Variants in SYNPO2 observed in about 807,000 individuals in gnomAD.
The protein encoded by SYNPO2 is synaptopodin-2.
SYNPO2 carries 56 observed loss-of-function variants against 85.0 expected under a neutral mutation model. The observed-to-expected ratio is 0.66, with a 90% confidence interval of 0.53 to 0.82. The LOEUF (loss-of-function observed/expected upper bound fraction) is 0.82, where lower values mean the gene tolerates loss of function less well. Ranked by LOEUF, SYNPO2 falls within the 40% of genes least tolerant of loss-of-function variation. The probability of loss-of-function intolerance (pLI) is 0.00; values close to 1 mark genes in which losing one functional copy is unlikely to be tolerated. For synonymous variants in SYNPO2, 602 were observed against 591.1 expected, an observed-to-expected ratio of 1.02 and a Z score of -0.27; for missense variants, 1,575 against 1,534.2, an observed-to-expected ratio of 1.03 and a Z score of -0.44.
chr4:118,953,217 T>C lies in SYNPO2; in HGVS notation c.105+64076T>C, dbSNP rs114266198. Among the ~76,000 whole-genome samples the C allele has an allele frequency of 6.9e-3, 1,051 of 152,306 alleles. 7 individuals carry two copies. The highest frequency in any genetic ancestry group is 8.9e-3 in the Non-Finnish European group (604 of 68,016). On this transcript the variant is annotated intron_variant, in intron 1 of 4. Transcript: ENST00000307142. ...TTGTTTGGTTGATTTATCCAAACGA[T>C]GTTGAGAGCTTAGAGAACAATAACA...
At chr4:119,041,298 C>T (rs1247394039) in intron 4 of SYNPO2, among the ~76,000 whole-genome samples, 1 of 152,202 alleles carries the variant, frequency 6.6e-6, no homozygotes, top group East Asian at 1.9e-4. Flanking sequence ...AACTAGGCCT[C>T]TTACTGTACT....
At chr4:118,876,673 CTTTCTT>C (rs1224854545) in intron 1 of SYNPO2, among the ~76,000 whole-genome samples, 79 of 5,728 alleles carry the variant, frequency 0.014, 2 homozygotes, top group Admixed American at 0.04. Context: ...CTTTCTCTTT[CTTTCTT>C]TCTTTCTTTC....
At chr4:118,881,650 A>C (rs1030428865) in intron 1 of SYNPO2, among the ~76,000 whole-genome samples, 4 of 152,236 alleles carry the variant, frequency 2.6e-5, no homozygotes, top group African/African-American at 9.6e-5. Context: ...GCAGAACTTT[A>C]AATCACTGGC....
At chr4:118,859,396 ATTTATCC>A (rs1045462245) in intron 1 of SYNPO2, among the ~76,000 whole-genome samples, 6 of 152,180 alleles carry the variant, frequency 3.9e-5, no homozygotes, top group Admixed American at 3.9e-4. Flanking sequence ...CACCTCAAGC[ATTTATCC>A]TTTGTGTTTC....
upstream of SYNPO2, among the ~76,000 whole-genome samples, chr4:118,886,520 G>A (rs1392088189): frequency 1.3e-5 from 2 of 152,152 alleles, no homozygotes; most frequent in Non-Finnish European, 2.9e-5. Flanking sequence ...TACTGTTCCT[G>A]TGCTAGTTTG....
chr4:118,863,804 G>A (rs1329309227), intron 1 of SYNPO2, among the ~76,000 whole-genome samples: 1 of 152,018 alleles, frequency 6.6e-6, no homozygotes, highest in Non-Finnish European at 1.5e-5. Flanking sequence ...TAGAGAAGGG[G>A]TTTTTCCATG....
chr4:118,930,938 T>A (rs1367056406), intron 1 of SYNPO2, among the ~76,000 whole-genome samples: 19 of 138,974 alleles, frequency 1.4e-4, no homozygotes, highest in African/African-American at 4.3e-4. Flanking sequence ...AAAAAAAAAA[T>A]GGTAAGTATC....
chr4:118,903,624 A>T (rs1196865778), intron 1 of SYNPO2, among the ~76,000 whole-genome samples: 1 of 152,160 alleles, frequency 6.6e-6, no homozygotes, highest in African/African-American at 2.4e-5. Context: ...TTACTTTGTT[A>T]TTCAGTTTAA....
chr4:118,966,466 AAAC>A (rs1469445222), intron 1 of SYNPO2, among the ~76,000 whole-genome samples: 22 of 152,140 alleles, frequency 1.4e-4, no homozygotes, highest in Non-Finnish European at 2.5e-4. Context: ...TTACCCTTGT[AAAC>A]CCCAAGGGAG....
In SYNPO2 at chr4:118,980,331, C is replaced by T. The variant is rs559593026; in HGVS notation, c.106-43099C>T. Among the ~76,000 whole-genome samples, 12 of 152,094 alleles carry T rather than the reference C, an allele frequency of 7.9e-5. No homozygotes were observed. The South Asian group carries it at 2.1e-3, about 26-fold the overall frequency. Reference sequence around the variant, plus strand: ...TGCTGATGTGCCTTCAGACCTTCTCCGGACTATTCCTTGACCAGAACCATC... The same window carrying T: ...TGCTGATGTGCCTTCAGACCTTCTCTGGACTATTCCTTGACCAGAACCATC... On this transcript the variant is annotated intron_variant, in intron 1 of 4. Transcript: ENST00000307142.
intron 1 of SYNPO2, among the ~76,000 whole-genome samples, chr4:118,891,757 A>G (rs1259861643): frequency 6.6e-6 from 1 of 152,240 alleles, no homozygotes; most frequent in Non-Finnish European, 1.5e-5. Context: ...CAGAAAGGCT[A>G]GAGAGATGGT....
intron 1 of SYNPO2, among the ~76,000 whole-genome samples, chr4:118,911,028 G>A (rs546365120): frequency 1.3e-5 from 2 of 152,180 alleles, no homozygotes; most frequent in South Asian, 2.1e-4. Context: ...AGAAAATGGC[G>A]AGTCTCTTAC....
chr4:118,877,095 A>T (rs1212325255), intron 1 of SYNPO2, among the ~76,000 whole-genome samples: 1 of 151,982 alleles, frequency 6.6e-6, no homozygotes, highest in Admixed American at 6.6e-5. Flanking sequence ...GAGCCACTGC[A>T]CCTGGCCTTC....
intron 1 of SYNPO2, among the ~76,000 whole-genome samples, chr4:119,016,291 G>A (rs534100199): frequency 1.9e-4 from 29 of 152,140 alleles, no homozygotes; most frequent in Admixed American, 3.3e-4. Context: ...GCGTGGTGGT[G>A]GGAGCCTGCC....
Position 118,943,488 on chromosome 4 carries a change from A to G in SYNPO2, c.105+54347A>G, listed in dbSNP as rs1734391850. The stretch of plus-strand genomic sequence containing the variant: ...TGATGTGGGGGAAGGGAACAATTAT[A>G]TAGAATTTATAACTTCAAAGTTGCT... On this transcript the variant is annotated intron_variant, in intron 1 of 4. Transcript: ENST00000307142. Among the ~76,000 whole-genome samples the G allele has an allele frequency of 2.0e-5, 3 of 152,312 alleles. No homozygotes were observed. In the South Asian group the frequency reaches 6.2e-4, roughly 32 times the overall value.
chr4:119,041,105 C>G (rs1246788382), intron 4 of SYNPO2, among the ~76,000 whole-genome samples: 1 of 152,174 alleles, frequency 6.6e-6, no homozygotes, highest in Non-Finnish European at 1.5e-5. Context: ...TTTTCTGGTA[C>G]TTCTAGAATC....
intron 1 of SYNPO2, among the ~76,000 whole-genome samples, chr4:118,956,861 A>G (rs942575092): frequency 2.6e-5 from 4 of 152,082 alleles, no homozygotes; most frequent in Non-Finnish European, 5.9e-5. Context: ...CCTGGGCAAC[A>G]TGGTGAAACT....
chr4:118,969,059 G>T (rs2149154083), intron 1 of SYNPO2, among the ~76,000 whole-genome samples: 1 of 152,284 alleles, frequency 6.6e-6, no homozygotes, highest in East Asian at 1.9e-4. Context: ...AGTCTTTCCA[G>T]GTCAGTTAAA....
intron 1 of SYNPO2, among the ~76,000 whole-genome samples, chr4:118,952,643 A>G (rs1304338700): frequency 6.6e-6 from 1 of 152,162 alleles, no homozygotes; most frequent in East Asian, 1.9e-4. Flanking sequence ...GCAAACATGA[A>G]TATTATATTT....
Sources: gnomAD v4.1 joint callset for allele counts (sites outside exome capture counted in the v4.1 genomes callset) on GRCh38, gnomAD v4.1.1 for gene constraint, MANE v1.5 for transcripts, NCBI Gene and HGNC (gene_info 2026-07-23, HGNC 2026-07-21) for gene names.